The following LUZP2 variants were observed in gnomAD, a reference collection of about 807,000 sequenced individuals.
LUZP2 encodes leucine zipper protein 2.
In LUZP2, 52 loss-of-function variants were observed where a neutral mutation model predicts 51.6. The ratio of observed to expected loss-of-function variants is 1.01; its 90% confidence interval spans 0.81 to 1.27. LUZP2 has a LOEUF of 1.27. Ranked by LOEUF, LUZP2 falls within the 50% of genes most tolerant of loss-of-function variation. The pLI, the probability that LUZP2 is intolerant of heterozygous loss-of-function variation, is 0.00. For missense variants in LUZP2, 436 were observed against 395.4 expected, an observed-to-expected ratio of 1.10 and a Z score of -0.87; for synonymous variants, 154 against 137.3, an observed-to-expected ratio of 1.12 and a Z score of -0.85.
At chr11:24,765,504 A>G (rs1203522938) in intron 5 of LUZP2, among the ~76,000 whole-genome samples, 1 of 152,068 alleles carries the variant, frequency 6.6e-6, no homozygotes, top group Non-Finnish European at 1.5e-5. Context: ...TTCTGCATCT[A>G]TTGAGACAAC....
intron 5 of LUZP2, among the ~76,000 whole-genome samples, chr11:24,880,686 T>G (rs1486684): frequency 0.49 from 73,868 of 151,784 alleles, 18,436 homozygotes; most frequent in East Asian, 0.69. Flanking sequence ...AGGCTGTAGG[T>G]TGTCTCCAAT....
chr11:24,691,889 G>A (rs1857077908), intron 1 of LUZP2, among the ~76,000 whole-genome samples: 1 of 151,880 alleles, frequency 6.6e-6, no homozygotes, highest in Non-Finnish European at 1.5e-5. Flanking sequence ...CATAAGGCCA[G>A]CATTCACAAG....
chr11:25,074,000 A>G (rs1859232071), intron 10 of LUZP2, among the ~76,000 whole-genome samples: 1 of 152,206 alleles, frequency 6.6e-6, no homozygotes. Context: ...TCATCAATGG[A>G]TAAGTATCAG....
At chr11:24,743,171 G>A (rs554826572) in intron 4 of LUZP2, among the ~76,000 whole-genome samples, 1 of 151,890 alleles carries the variant, frequency 6.6e-6, no homozygotes, top group Admixed American at 6.6e-5. Flanking sequence ...GGCTATGAGG[G>A]CTCTTTTTTG....
intron 9 of LUZP2, among the ~76,000 whole-genome samples, chr11:24,985,445 G>A (rs992451690): frequency 3.3e-5 from 5 of 151,492 alleles, no homozygotes; most frequent in Non-Finnish European, 7.4e-5. Flanking sequence ...AGAAACCAGG[G>A]GATCTGATCT....
At chr11:24,664,216 C>A (rs111975341) in intron 1 of LUZP2, among the ~76,000 whole-genome samples, 1 of 152,194 alleles carries the variant, frequency 6.6e-6, no homozygotes, top group African/African-American at 2.4e-5. Flanking sequence ...TTGGGAACTT[C>A]CTAGAGACTT....
chr11:24,580,597 C>CAAAA (rs1212119806), intron 1 of LUZP2, among the ~76,000 whole-genome samples: 2 of 151,074 alleles, frequency 1.3e-5, no homozygotes, highest in African/African-American at 4.9e-5. Flanking sequence ...AATCCTTTCA[C>CAAAA]AAAACAAAAA....
chr11:24,510,649 G>A (rs1850280720), intron 1 of LUZP2, among the ~76,000 whole-genome samples: 1 of 151,850 alleles, frequency 6.6e-6, no homozygotes, highest in Non-Finnish European at 1.5e-5. Flanking sequence ...CCCTTACTCT[G>A]TTAAATATAT....
In LUZP2 at chr11:24,859,716, C is replaced by T. The variant is rs180863656; in HGVS notation, c.397-46275C>T. Among the ~76,000 whole-genome samples, 16 of 152,334 alleles carry T rather than the reference C, an allele frequency of 1.1e-4. No individual in the cohort carries two copies. In the East Asian group the frequency reaches 1.7e-3, roughly 17 times the overall value. On this transcript the variant is annotated intron_variant, in intron 5 of 11. Coordinates refer to ENST00000336930, the MANE Select transcript of LUZP2 (RefSeq NM_001009909.4). Reference sequence around the variant, plus strand: ...GGAGAGAAGGAAGAGCAGTGTGGTGCGGCAGCCCACCTGCGAGCCACAAGG... The same window carrying T: ...GGAGAGAAGGAAGAGCAGTGTGGTGTGGCAGCCCACCTGCGAGCCACAAGG...
chr11:24,800,774 C>T (rs991612437), intron 5 of LUZP2, among the ~76,000 whole-genome samples: 2 of 152,016 alleles, frequency 1.3e-5, no homozygotes, highest in Admixed American at 1.3e-4. Context: ...GTTAAGAAAA[C>T]ATAAGAAAGA....
chr11:24,587,828 G>A (rs1464352210), intron 1 of LUZP2, among the ~76,000 whole-genome samples: 4 of 152,016 alleles, frequency 2.6e-5, no homozygotes, highest in South Asian at 2.1e-4. Flanking sequence ...GCAAACAGCT[G>A]TGGTGAGAGG....
At chr11:25,030,955 A>T (rs1857648363) in intron 9 of LUZP2, among the ~76,000 whole-genome samples, 1 of 2,922 alleles carries the variant, frequency 3.4e-4, no homozygotes, top group Non-Finnish European at 7.7e-4. Context: ...TATTATATAT[A>T]TAATACAATA....
intron 7 of LUZP2, among the ~76,000 whole-genome samples, chr11:24,928,472 G>C (rs1854344549): frequency 6.6e-6 from 1 of 151,834 alleles, no homozygotes; most frequent in Non-Finnish European, 1.5e-5. Flanking sequence ...TTTTTTCTGT[G>C]TCTATTAAGG....
rs1475412613 is a variant in LUZP2, at chr11:25,045,033, G to A, written c.766-5005G>A. On this transcript the variant is annotated intron_variant, in intron 9 of 11. Coordinates refer to ENST00000336930, the MANE Select transcript of LUZP2 (RefSeq NM_001009909.4). The stretch of plus-strand genomic sequence containing the variant: ...ATGAGAACACATGGACACAGGAAGG[G>A]GAACATCACACTCTGGGGACTGTTG... Among the ~76,000 whole-genome samples the A allele has an allele frequency of 5.8e-5, 5 of 86,898 alleles. No individual in the cohort carries two copies. The East Asian group carries it at 1.1e-3, about 20-fold the overall frequency. The allele number at this position is 86,898 out of a possible 152,430, so 57.0% of individuals were successfully genotyped here.
intron 9 of LUZP2, among the ~76,000 whole-genome samples, chr11:24,994,140 T>C (rs1012576696): frequency 3.3e-5 from 5 of 149,546 alleles, no homozygotes; most frequent in African/African-American, 1.2e-4. Context: ...ATTACAGGCT[T>C]GAGCCACTGC....
At chr11:24,606,730 G>A (rs1468195554) in intron 1 of LUZP2, among the ~76,000 whole-genome samples, 2 of 152,042 alleles carry the variant, frequency 1.3e-5, no homozygotes, top group South Asian at 4.1e-4. Flanking sequence ...ACTTCATACT[G>A]TTTTTCGTAT....
rs187866657 is a variant in LUZP2 at position 24,850,746 on chromosome 11, C to A, written c.397-55245C>A. ...TTTTCACGATATTGATTCTTCCTAT[C>A]CATGAGCATGGAATATTTTTCCATT... On this transcript the variant is annotated intron_variant, in intron 5 of 11. Coordinates refer to ENST00000336930, the MANE Select transcript of LUZP2 (RefSeq NM_001009909.4). 1.4e-4 allele frequency among the ~76,000 whole-genome samples: 22 copies of A among 152,278 alleles called. No homozygotes were observed. In the East Asian group the frequency reaches 4.2e-3, roughly 29 times the overall value.
intron 1 of LUZP2, among the ~76,000 whole-genome samples, chr11:24,665,720 A>C (rs1856191266): frequency 6.6e-6 from 1 of 152,094 alleles, no homozygotes; most frequent in Non-Finnish European, 1.5e-5. Context: ...CCACCTTGTG[A>C]AGAAGGACAT....
chr11:24,773,427 T>C (rs1181564724), intron 5 of LUZP2, among the ~76,000 whole-genome samples: 1 of 152,140 alleles, frequency 6.6e-6, no homozygotes, highest in Non-Finnish European at 1.5e-5. Flanking sequence ...CAGAGTTTAT[T>C]GGAAGAAGAT....
Sources: gnomAD v4.1 joint callset for allele counts (sites outside exome capture counted in the v4.1 genomes callset) on GRCh38, gnomAD v4.1.1 for gene constraint, MANE v1.5 for transcripts, NCBI Gene and HGNC (gene_info 2026-07-23, HGNC 2026-07-21) for gene names.